Variants in PCMTD2 observed in about 807,000 individuals in gnomAD.
The protein encoded by PCMTD2 is protein-L-isoaspartate (D-aspartate) O-methyltransferase domain containing 2.
A neutral mutation model predicts 33.4 loss-of-function variants in PCMTD2; 16 were observed. The ratio of observed to expected loss-of-function variants is 0.48; its 90% CI spans 0.32 to 0.73. The LOEUF (loss-of-function observed/expected upper bound fraction) is 0.73. Ranked by LOEUF, PCMTD2 falls within the 30% of genes least tolerant of loss-of-function variation. The pLI, the probability that PCMTD2 is intolerant of heterozygous loss-of-function variation, is 0.03. For synonymous variants in PCMTD2, 161 were observed against 160.8 expected (o/e 1.00, Z -0.01); for missense variants, 374 against 449.9 (o/e 0.83, Z 1.53).
rs1389691823 is a variant in PCMTD2, at chr20:64,272,243, G to T, written c.707-978G>T. On this transcript the variant is annotated intron_variant, in intron 5 of 5. Transcript: ENST00000308824. ...CTTTCTGACTTTGGTAATAAACGTT[G>T]TGCACAACACAAGAGCTCTCCCTAT... 5 of 457,120 alleles carry T rather than the reference G, an allele frequency of 1.1e-5. No homozygotes were observed. The East Asian group carries it at 3.5e-4, about 32-fold the overall frequency. The allele number at this position is 457,120 out of a possible 1,614,324, so 28.3% of individuals were successfully genotyped here.
intron 2 of PCMTD2, 75 bp from the exon 3 acceptor site, chr20:64,264,354 A>G: frequency 1.3e-6 from 1 of 759,104 alleles, no homozygotes; most frequent in South Asian, 1.5e-5. Context: ...GACGTGTTAC[A>G]GTTGGTAGAA....
intron 5 of PCMTD2, chr20:64,272,008 C>T (rs1004548264): frequency 2.9e-6 from 1 of 345,596 alleles, no homozygotes; most frequent in South Asian, 2.2e-5. Context: ...GAGGCACGAT[C>T]GTGGTGTTGA....
In PCMTD2 at chr20:64,260,841, G is replaced by A. The variant is rs114614760; in HGVS notation, c.307+569G>A. On this transcript the variant is annotated intron_variant, in intron 2 of 5. Transcript: ENST00000308824. ...CCTGAGTACCTAGGGCCACAGGCACGCACCACCACCCCTGGCTGATGTTTA... is the reference window on the plus strand; with the variant it reads ...CCTGAGTACCTAGGGCCACAGGCACACACCACCACCCCTGGCTGATGTTTA... Among the ~76,000 whole-genome samples, 1,507 of 150,822 alleles carry A rather than the reference G, an allele frequency of 1.0e-2. 17 individuals carry two copies. The highest frequency in any genetic ancestry group is 0.034 in the African/African-American group (1,411 of 41,080).
intron 3 of PCMTD2, among the ~76,000 whole-genome samples, 198 bp downstream of exon 3, chr20:64,264,729 G>C (rs1378569721): frequency 1.3e-5 from 2 of 152,146 alleles, no homozygotes; most frequent in African/African-American, 2.4e-5. Context: ...ACATACATAA[G>C]GTGTTCATTT....
chr20:64,255,891 GCCGC>G (rs1985134505), intron 1 of PCMTD2, 21 bp downstream of exon 1: 1 of 150,038 alleles, frequency 6.7e-6, no homozygotes, highest in African/African-American at 2.5e-5. Flanking sequence ...CGCCGCCGCC[GCCGC>G]CCCTCGGTCC....
At position 64,273,450 on chromosome 20, in the gene PCMTD2, A is replaced by G; in HGVS notation, c.936A>G (p.Glu312=). The G allele has an allele frequency of 6.2e-7, 1 of 1,613,736 alleles. No homozygotes were observed. The highest frequency in any genetic ancestry group is 1.1e-5 in the South Asian group (1 of 91,028). ...ACCCCTCAGATGACAACAGCTGTGA[A>G]GACTTGGAAGAGGAACGGAGGGAAG... The part of the protein sequence containing the change: ...ISNPSDDNSC[E]DLEEERREEE... Residue 312 remains glutamate (E), a synonymous_variant, in exon 6 of 6, where the codon GAA becomes GAG. Transcript: ENST00000308824.
intron 1 of PCMTD2, among the ~76,000 whole-genome samples, chr20:64,256,279 G>GCC (rs1010915238): frequency 6.6e-6 from 1 of 151,912 alleles, no homozygotes; most frequent in Non-Finnish European, 1.5e-5. Flanking sequence ...AAATAATTGC[G>GCC]CCCCCCCGCC....
chr20:64,259,516 G>A (rs1221918765), intron 1 of PCMTD2, among the ~76,000 whole-genome samples: 1 of 151,226 alleles, frequency 6.6e-6, no homozygotes, highest in Non-Finnish European at 1.5e-5. Context: ...AGCCTCGCCA[G>A]TAGCTGGGAT....
intron 1 of PCMTD2, chr20:64,256,884 A>T (rs1985191204): frequency 6.6e-6 from 1 of 152,212 alleles, no homozygotes; most frequent in Admixed American, 6.5e-5. Context: ...AGGCCCATTA[A>T]TAGTGTACAT....
At chr20:64,265,204 T>C in intron 3 of PCMTD2, 54 bp from the exon 4 acceptor site, 1 of 1,373,106 alleles carries the variant, frequency 7.3e-7, no homozygotes, top group Admixed American at 1.9e-5. Context: ...ATTTACTGTA[T>C]AGACTTGTTG....
In PCMTD2 at chr20:64,274,705, T is replaced by A. The variant is rs1986045688; in HGVS notation, c.*1105T>A. The A allele has an allele frequency of 6.6e-6, 1 of 152,240 alleles. No individual in the cohort carries two copies. Among genetic ancestry groups the A allele is most frequent in the South Asian group, 2.1e-4 (1 of 4,836 alleles). 9.4% of individuals were successfully genotyped at this position (152,240 alleles called of 1,614,324 possible). ...AATGTATGTATTTTAGTAGCTCCAT[T>A]GCATGAGAAGAGTGTAACTCACACT... On this transcript the variant is annotated 3_prime_UTR_variant, in exon 6 of 6. Transcript: ENST00000308824.
intron 1 of PCMTD2, among the ~76,000 whole-genome samples, chr20:64,257,343 G>A (rs539344465): frequency 6.6e-6 from 1 of 152,236 alleles, no homozygotes; most frequent in Non-Finnish European, 1.5e-5. Flanking sequence ...AGTTCGCATT[G>A]TAAGGAGCAG....
At chr20:64,266,209 T>C (rs1023961188) in intron 4 of PCMTD2, among the ~76,000 whole-genome samples, 8 of 152,134 alleles carry the variant, frequency 5.3e-5, no homozygotes, top group African/African-American at 7.2e-5. Context: ...GCTGGCACTA[T>C]AGGCACGTGC....
In PCMTD2 at chr20:64,275,802, TTA is replaced by T. The variant is rs1424221453; in HGVS notation, c.*2203_*2204del. 1 of 152,252 alleles carries T rather than the reference TTA, an allele frequency of 6.6e-6. No individual in the cohort carries two copies. Among genetic ancestry groups the T allele is most frequent in the African/African-American group, 2.4e-5 (1 of 41,458 alleles). 9.4% of individuals were successfully genotyped at this position (152,252 alleles called of 1,614,324 possible). On this transcript the variant is annotated 3_prime_UTR_variant, in exon 6 of 6. Coordinates refer to ENST00000308824, the MANE Select transcript of PCMTD2 (RefSeq NM_018257.3). ...TATTTGCTTTTGAGTAGTTTGTATT[TTA>T]ATATGTGACTTTTGTCTTGAAAAGT... is the stretch of plus-strand genomic sequence containing the variant.
intron 2 of PCMTD2, 105 bp downstream of exon 2, chr20:64,260,377 A>G (rs1985358162): frequency 1.3e-6 from 1 of 740,984 alleles, no homozygotes; most frequent in African/African-American, 1.7e-5. Context: ...TCGAGACCGC[A>G]GCCTTCCCAG....
intron 2 of PCMTD2, among the ~76,000 whole-genome samples, chr20:64,262,142 T>C (rs1354484309): frequency 6.6e-6 from 1 of 152,012 alleles, no homozygotes; most frequent in Non-Finnish European, 1.5e-5. Context: ...TAATCCCAGC[T>C]ACTCAGGAGG....
rs1986066378 is a variant in PCMTD2 at position 64,275,358 on chromosome 20, T to C, written c.*1758T>C. On this transcript the variant is annotated 3_prime_UTR_variant, in exon 6 of 6. Coordinates refer to ENST00000308824, the MANE Select transcript of PCMTD2 (RefSeq NM_018257.3). ...ATTTTTGGACATTATATTAAATGAG[T>C]GCTATCTGTGAAATTGGTTATATTA... 3 of 152,178 alleles carry C rather than the reference T, an allele frequency of 2.0e-5. No homozygotes were observed. The highest frequency in any genetic ancestry group is 2.0e-4 in the Admixed American group (3 of 15,286). The allele number at this position is 152,178 out of a possible 1,614,324, so 9.4% of individuals were successfully genotyped here.
intron 5 of PCMTD2, chr20:64,271,989 A>G (rs982162001): frequency 1.9e-5 from 6 of 319,000 alleles, no homozygotes; most frequent in South Asian, 1.3e-4. Context: ...CGGGTCACAG[A>G]TGGGGCAAGA....
At position 64,259,603 on chromosome 20, in the gene PCMTD2, T is replaced by A. The variant is rs148503308; in HGVS notation, c.-24-339T>A. Among the ~76,000 whole-genome samples the A allele has an allele frequency of 9.5e-3, 1,454 of 152,264 alleles. 20 individuals are homozygous for A. Among genetic ancestry groups the A allele is most frequent in the African/African-American group, 0.034 (1,394 of 41,532 alleles). On this transcript the variant is annotated intron_variant, in intron 1 of 5. Transcript: ENST00000308824. ...CGGGGTTTCACCATGTTGGCCAGGC[T>A]GTTCTTGAACTCCTGACCTCAGGTG... is the stretch of plus-strand genomic sequence containing the variant.
Sources: gnomAD v4.1 joint callset for allele counts (sites outside exome capture counted in the v4.1 genomes callset) on GRCh38, gnomAD v4.1.1 for gene constraint, MANE v1.5 for transcripts, NCBI Gene and HGNC (gene_info 2026-07-23, HGNC 2026-07-21) for gene names.